UBE2Z: variants seen among roughly 807,000 people sequenced by gnomAD.
UBE2Z encodes ubiquitin-conjugating enzyme E2 Z.
In UBE2Z, 10 loss-of-function variants were observed where a neutral mutation model predicts 32.6. The ratio of observed to expected loss-of-function variants is 0.31; its 90% CI spans 0.19 to 0.52. The LOEUF (loss-of-function observed/expected upper bound fraction) is 0.52. Among genes scored for constraint, UBE2Z ranks in the 20% least tolerant of loss-of-function variants. UBE2Z has a pLI of 0.97. For missense variants in UBE2Z, 343 were observed against 480.9 expected (o/e 0.71, Z 2.68); for synonymous variants, 183 against 190.8 (o/e 0.96, Z 0.34).
At chr17:48,922,752 G>A in intron 5 of UBE2Z, 95 bp from the exon 6 acceptor site, 7 of 925,384 alleles carry the variant, frequency 7.6e-6, no homozygotes, top group Non-Finnish European at 9.8e-6. Context: ...GGGCTACAGA[G>A]CAAGACTCCA....
At chr17:48,911,467 G>A (rs1350505038) in intron 2 of UBE2Z, 1 of 152,534 alleles carries the variant, frequency 6.6e-6, no homozygotes, top group African/African-American at 2.4e-5. Context: ...AGATACCTAG[G>A]TTTCTCTGTC....
chr17:48,915,865 G>GCCC (rs3833156), intron 3 of UBE2Z: 6,616 of 340,608 alleles, frequency 0.019, 345 homozygotes, highest in African/African-American at 0.083. Flanking sequence ...CTGTTCTTTT[G>GCCC]CCCCCCCCCC....
rs552753629 is a variant in UBE2Z, at chr17:48,911,982, A to T, written c.391-852A>T. Reference sequence around the variant, plus strand: ...AGTCAGTTCAGGTTTTCCTCCCTTCAGGGGGGGAAATCCTGTTGAAGAATT... The same window carrying T: ...AGTCAGTTCAGGTTTTCCTCCCTTCTGGGGGGGAAATCCTGTTGAAGAATT... On this transcript the variant is annotated intron_variant, in intron 2 of 6. Transcript: ENST00000360943. The T allele has an allele frequency of 6.6e-5, 10 of 151,656 alleles. No homozygotes were observed. The South Asian group carries it at 2.1e-3, about 32-fold the overall frequency. The allele number at this position is 151,656 out of a possible 1,614,324, so 9.4% of individuals were successfully genotyped here.
At chr17:48,913,671 A>G (rs1296340697) in intron 3 of UBE2Z, among the ~76,000 whole-genome samples, 1 of 152,098 alleles carries the variant, frequency 6.6e-6, no homozygotes, top group East Asian at 1.9e-4. Flanking sequence ...TGTTTTTTAC[A>G]AGCTCTCCAG....
chr17:48,916,258 GTTTTT>G (rs371253123), intron 4 of UBE2Z, 71 bp downstream of exon 4: 12 of 418,998 alleles, frequency 2.9e-5, no homozygotes, highest in South Asian at 1.0e-4. Flanking sequence ...TGGTTTTTTT[GTTTTT>G]TTTTTTTTTT....
chr17:48,919,464 A>G (rs531630227), intron 4 of UBE2Z, among the ~76,000 whole-genome samples: 2 of 152,198 alleles, frequency 1.3e-5, no homozygotes, highest in Non-Finnish European at 2.9e-5. Context: ...GAAGCTTCTG[A>G]TAGATTTATT....
At chr17:48,926,894 C>T (rs985493772) in intron 6 of UBE2Z, 70 bp from the exon 7 acceptor site, 14 of 1,509,646 alleles carry the variant, frequency 9.3e-6, no homozygotes, top group East Asian at 4.7e-5. Context: ...CACATGGGCC[C>T]GAAGTTGCTT....
intron 1 of UBE2Z, among the ~76,000 whole-genome samples, chr17:48,909,702 T>C (rs1461480050): frequency 2.0e-5 from 3 of 152,080 alleles, no homozygotes; most frequent in African/African-American, 7.2e-5. Flanking sequence ...CAGAAGCACA[T>C]AGAATAGTAC....
rs543513703 is a variant in UBE2Z, at chr17:48,917,312, T to A, written c.690+1125T>A. 2.3e-3 allele frequency among the ~76,000 whole-genome samples: 356 copies of A among 152,122 alleles called. 1 individual carries two copies. The highest frequency in any genetic ancestry group is 7.0e-3 in the African/African-American group (290 of 41,508). ...AGAGCGAGACACCGTCTTAAAAAAA[T>A]AATAATAATAATGAATTTTTTTATT... On this transcript the variant is annotated intron_variant, in intron 4 of 6. Coordinates refer to ENST00000360943, the MANE Select transcript of UBE2Z (RefSeq NM_023079.5).
intron 6 of UBE2Z, among the ~76,000 whole-genome samples, chr17:48,926,306 A>G (rs961553619): frequency 6.6e-6 from 1 of 152,144 alleles, no homozygotes; most frequent in East Asian, 1.9e-4. Flanking sequence ...TTATGAGGTT[A>G]ATTAAAAACA....
chr17:48,923,786 G>A (rs1482863605), intron 6 of UBE2Z, among the ~76,000 whole-genome samples: 1 of 150,708 alleles, frequency 6.6e-6, no homozygotes, highest in Non-Finnish European at 1.5e-5. Flanking sequence ...AGGCTGGAGT[G>A]CAGTAGCTGG....
At chr17:48,923,459 C>T (rs567830194) in intron 6 of UBE2Z, among the ~76,000 whole-genome samples, 6 of 151,864 alleles carry the variant, frequency 4.0e-5, no homozygotes, top group Non-Finnish European at 7.4e-5. Flanking sequence ...GATGAAACCC[C>T]GCCTCTACTA....
chr17:48,923,348 TAGCC>T (rs2040776540), intron 6 of UBE2Z, among the ~76,000 whole-genome samples: 1 of 94,322 alleles, frequency 1.1e-5, no homozygotes, highest in Non-Finnish European at 2.1e-5. Flanking sequence ...AAAAAAAAAA[TAGCC>T]AGGCGCGGTG....
chr17:48,916,879 G>A (rs1216989862), intron 4 of UBE2Z, among the ~76,000 whole-genome samples: 3 of 151,836 alleles, frequency 2.0e-5, no homozygotes, highest in African/African-American at 7.3e-5. Context: ...GTGAAAACCT[G>A]TCTCTACTAA....
At chr17:48,916,512 G>A (rs1365289239) in intron 4 of UBE2Z, among the ~76,000 whole-genome samples, 6 of 151,476 alleles carry the variant, frequency 4.0e-5, no homozygotes, top group Non-Finnish European at 5.9e-5. Context: ...CGGCCTCCCA[G>A]AGTGCTGGGA....
In UBE2Z at chr17:48,908,580, G is replaced by A; in HGVS notation, c.77G>A (p.Gly26Asp). Residue 26 changes from glycine (G) to aspartate (D), a missense_variant, in exon 1 of 7, where the codon GGT becomes GAT. Transcript: ENST00000360943. ...GGCCCCGGGGCGAGCAGCGTTGCTGGTGTTGTTGGCGTTAGCGGCAGCGGC... is the reference window on the plus strand; with the variant it reads ...GGCCCCGGGGCGAGCAGCGTTGCTGATGTTGTTGGCGTTAGCGGCAGCGGC... ...AAGPGASSVA[G>D]VVGVSGSGGG... The A allele has an allele frequency of 8.1e-7, 1 of 1,240,790 alleles. No homozygotes were observed. The highest frequency in any genetic ancestry group is 1.0e-6 in the Non-Finnish European group (1 of 989,418). 76.9% of individuals were successfully genotyped at this position (1,240,790 alleles called of 1,614,324 possible). A position where few individuals can be genotyped will look rare whatever the true frequency, so the allele number is the denominator to read the frequency against.
Position 48,927,066 on chromosome 17 carries a change from G to A in UBE2Z, c.997G>A (p.Ala333Thr). ...KVLERLHNEN[A>T]EMDSDSSSSG... ...GCTGGAGAGGCTCCATAATGAGAAT[G>A]CAGAAATGGACTCTGATAGCAGTTC... Residue 333 changes from alanine to threonine, a missense_variant, in exon 7 of 7, where the codon GCA becomes ACA. Transcript: ENST00000360943. 1 of 1,613,970 alleles carries A rather than the reference G, an allele frequency of 6.2e-7. No individual in the cohort carries two copies. The highest frequency in any genetic ancestry group is 1.3e-5 in the African/African-American group (1 of 75,050).
At chr17:48,925,677 C>T (rs1294301912) in intron 6 of UBE2Z, among the ~76,000 whole-genome samples, 4 of 152,124 alleles carry the variant, frequency 2.6e-5, no homozygotes, top group African/African-American at 7.2e-5. Context: ...GGGAGTACAG[C>T]ATCTGGGCAG....
At chr17:48,910,718 A>G (rs1287472487) in intron 1 of UBE2Z, 90 bp from the exon 2 acceptor site, 3 of 975,932 alleles carry the variant, frequency 3.1e-6, no homozygotes, top group South Asian at 2.6e-5. Flanking sequence ...CCCTGGCCTC[A>G]TTGAGGTGAT....
Sources: gnomAD v4.1 joint callset for allele counts (sites outside exome capture counted in the v4.1 genomes callset) on GRCh38, gnomAD v4.1.1 for gene constraint, MANE v1.5 for transcripts, NCBI Gene and HGNC (gene_info 2026-07-23, HGNC 2026-07-21) for gene names.